Variants in CSMD1 observed in about 807,000 individuals in gnomAD.
The protein encoded by CSMD1 is CUB and Sushi multiple domains 1, also known as CUB and sushi domain-containing protein 1.
CSMD1 carries 213 observed loss-of-function variants against 417.5 expected under a neutral mutation model. The observed-to-expected ratio is 0.51, with a 90% confidence interval of 0.46 to 0.57. The LOEUF (loss-of-function observed/expected upper bound fraction) is 0.57, where lower values mean the gene tolerates loss of function less well. Ranked by LOEUF, CSMD1 falls within the 20% of genes least tolerant of loss-of-function variation. The pLI, the probability that CSMD1 is intolerant of heterozygous loss-of-function variation, is 0.00. For missense variants in CSMD1, 6,923 were observed against 4,529.7 expected, an observed-to-expected ratio of 1.53 and a Z score of -15.17; for synonymous variants, 2,862 against 1,736.8, an observed-to-expected ratio of 1.65 and a Z score of -16.11.
chr8:3,360,824 T>C (rs1809111003), intron 20 of CSMD1, among the ~76,000 whole-genome samples: 1 of 152,096 alleles, frequency 6.6e-6, no homozygotes, highest in African/African-American at 2.4e-5. Flanking sequence ...CTGATCCTTT[T>C]CCCCTTAGTA....
At chr8:3,711,966 G>C (rs182771178) in intron 6 of CSMD1, among the ~76,000 whole-genome samples, 7 of 152,150 alleles carry the variant, frequency 4.6e-5, no homozygotes, top group African/African-American at 1.7e-4. Flanking sequence ...GACGATCAAG[G>C]TATGCGAATA....
intron 3 of CSMD1, among the ~76,000 whole-genome samples, chr8:4,182,019 C>G (rs897663454): frequency 7.2e-6 from 1 of 138,306 alleles, no homozygotes. Flanking sequence ...GAAACTCATA[C>G]ACACCCGTGT....
chr8:4,227,965 A>C (rs994863125), intron 3 of CSMD1, among the ~76,000 whole-genome samples: 15 of 144,430 alleles, frequency 1.0e-4, no homozygotes, highest in African/African-American at 3.9e-4. Context: ...TCAATCCCAC[A>C]CCAGGAGACA....
chr8:4,745,498 A>T (rs1166933121), intron 1 of CSMD1, among the ~76,000 whole-genome samples: 1 of 152,194 alleles, frequency 6.6e-6, no homozygotes, highest in Non-Finnish European at 1.5e-5. Flanking sequence ...TCTTTCTTAG[A>T]GTAACTTAAC....
intron 1 of CSMD1, among the ~76,000 whole-genome samples, chr8:4,956,279 A>G (rs982089771): frequency 3.9e-5 from 6 of 151,910 alleles, no homozygotes; most frequent in African/African-American, 1.2e-4. Context: ...CAGACCTTGC[A>G]TAGTCTCATA....
At chr8:3,760,032 C>A (rs1005302844) in intron 5 of CSMD1, among the ~76,000 whole-genome samples, 1 of 152,070 alleles carries the variant, frequency 6.6e-6, no homozygotes, top group African/African-American at 2.4e-5. Flanking sequence ...AGGACACACG[C>A]CTGGTGAAAT....
At chr8:4,935,011 A>C (rs934592662) in intron 1 of CSMD1, among the ~76,000 whole-genome samples, 1 of 152,222 alleles carries the variant, frequency 6.6e-6, no homozygotes, top group Non-Finnish European at 1.5e-5. Context: ...CTATCTATAC[A>C]TATCTATCTA....
chr8:4,911,637 A>G (rs1448793851), intron 1 of CSMD1, among the ~76,000 whole-genome samples: 1 of 152,216 alleles, frequency 6.6e-6, no homozygotes, highest in Non-Finnish European at 1.5e-5. Flanking sequence ...AAATGTTCAT[A>G]TAATTTACAC....
intron 2 of CSMD1, among the ~76,000 whole-genome samples, chr8:4,421,516 A>T (rs1335707813): frequency 1.3e-5 from 2 of 152,150 alleles, no homozygotes; most frequent in Non-Finnish European, 2.9e-5. Flanking sequence ...TCAAATTAGA[A>T]ATCAGTAAGA....
At chr8:4,598,874 A>G (rs1050239821) in intron 2 of CSMD1, among the ~76,000 whole-genome samples, 1 of 152,224 alleles carries the variant, frequency 6.6e-6, no homozygotes, top group African/African-American at 2.4e-5. Flanking sequence ...CTTTTGTAGA[A>G]GAAAAAAAGA....
intron 5 of CSMD1, among the ~76,000 whole-genome samples, chr8:3,779,170 T>A (rs567880712): frequency 6.6e-6 from 1 of 152,036 alleles, no homozygotes; most frequent in South Asian, 2.1e-4. Flanking sequence ...TGTGTGTGTG[T>A]GTGTGTGTGT....
intron 5 of CSMD1, among the ~76,000 whole-genome samples, chr8:3,991,582 C>T (rs574685434): frequency 6.6e-6 from 1 of 152,222 alleles, no homozygotes; most frequent in Non-Finnish European, 1.5e-5. Context: ...GTAAGAGTAG[C>T]TAGTGATGAC....
intron 1 of CSMD1, among the ~76,000 whole-genome samples, chr8:4,675,872 T>C (rs1361519166): frequency 6.6e-6 from 1 of 152,158 alleles, no homozygotes; most frequent in Non-Finnish European, 1.5e-5. Flanking sequence ...AATTGTTTCC[T>C]AAACAAAAAG....
chr8:4,481,895 C>G (rs1005698862), intron 2 of CSMD1, among the ~76,000 whole-genome samples: 1 of 152,072 alleles, frequency 6.6e-6, no homozygotes, highest in African/African-American at 2.4e-5. Flanking sequence ...GATCAAGTAG[C>G]TTGATCAAAG....
chr8:3,681,716 A>G (rs1163670513), intron 7 of CSMD1, among the ~76,000 whole-genome samples: 2 of 152,190 alleles, frequency 1.3e-5, no homozygotes, highest in African/African-American at 4.8e-5. Flanking sequence ...GAACCAAAAA[A>G]GAGCCCGCAT....
chr8:3,145,979 G>C (rs951329123), intron 40 of CSMD1, among the ~76,000 whole-genome samples: 4 of 152,142 alleles, frequency 2.6e-5, no homozygotes, highest in African/African-American at 9.7e-5. Flanking sequence ...TTAAACCCTA[G>C]TTTTTAGTTG....
chr8:3,504,957 A>G (rs1260088189), intron 10 of CSMD1, among the ~76,000 whole-genome samples: 1 of 152,246 alleles, frequency 6.6e-6, no homozygotes, highest in African/African-American at 2.4e-5. Context: ...GCACAACAAC[A>G]AAGATTAACC....
intron 3 of CSMD1, among the ~76,000 whole-genome samples, chr8:4,243,264 A>G (rs759680721): frequency 5.3e-5 from 8 of 152,104 alleles, no homozygotes; most frequent in Non-Finnish European, 1.2e-4. Flanking sequence ...GTATTTTCTT[A>G]CCTAGTCTCA....
intron 10 of CSMD1, among the ~76,000 whole-genome samples, chr8:3,544,751 G>C (rs1326981994): frequency 6.6e-6 from 1 of 152,080 alleles, no homozygotes; most frequent in Non-Finnish European, 1.5e-5. Context: ...GGTGGAGACA[G>C]GGAATGGAGC....
Sources: allele counts gnomAD v4.1 joint callset (sites outside exome capture counted in the v4.1 genomes callset), GRCh38; gene constraint gnomAD v4.1.1; transcripts MANE v1.5; gene names NCBI Gene and HGNC (gene_info 2026-07-23, HGNC 2026-07-21).